EXOC2: variants seen among roughly 807,000 people sequenced by gnomAD.
EXOC2 encodes SEC5-like 1.
EXOC2 carries 70 observed loss-of-function variants against 131.8 expected under a neutral mutation model. That is an observed-to-expected ratio of 0.53 (90% confidence interval 0.44 to 0.65). The LOEUF (loss-of-function observed/expected upper bound fraction) is 0.65, where lower values mean the gene tolerates loss of function less well. EXOC2 is among the 30% of genes least tolerant of loss of function. EXOC2 has a pLI of 0.00. For synonymous variants in EXOC2, 411 were observed against 398.4 expected (o/e 1.03, Z -0.38); for missense variants, 923 against 1,108.6 (o/e 0.83, Z 2.38).
At chr6:673,899 A>C (rs529118639) in intron 1 of EXOC2, among the ~76,000 whole-genome samples, 1 of 152,312 alleles carries the variant, frequency 6.6e-6, no homozygotes, top group African/African-American at 2.4e-5. Flanking sequence ...CAGGGTTACC[A>C]CAAACCTTCA....
intron 1 of EXOC2, among the ~76,000 whole-genome samples, chr6:658,930 G>A (rs902229740): frequency 1.3e-5 from 2 of 151,974 alleles, no homozygotes; most frequent in Admixed American, 6.5e-5. Flanking sequence ...TCAAAGTGCT[G>A]GGATTATAGG....
chr6:593,343 C>A (rs1233806451), intron 10 of EXOC2, among the ~76,000 whole-genome samples: 1 of 152,134 alleles, frequency 6.6e-6, no homozygotes, highest in Non-Finnish European at 1.5e-5. Context: ...CAGTATGGCA[C>A]CGCTTTCTAA....
At chr6:613,612 T>C (rs1359722690) in intron 6 of EXOC2, among the ~76,000 whole-genome samples, 1 of 152,196 alleles carries the variant, frequency 6.6e-6, no homozygotes, top group Non-Finnish European at 1.5e-5. Context: ...CCATTTTTCT[T>C]AACCACACAG....
chr6:554,328 C>T (rs1757305610), intron 20 of EXOC2, among the ~76,000 whole-genome samples: 1 of 152,198 alleles, frequency 6.6e-6, no homozygotes, highest in Non-Finnish European at 1.5e-5. Flanking sequence ...GCATGAACCA[C>T]CATGTCCGGC....
At chr6:688,108 A>G (rs1342521678) in intron 1 of EXOC2, among the ~76,000 whole-genome samples, 1 of 152,226 alleles carries the variant, frequency 6.6e-6, no homozygotes, top group Non-Finnish European at 1.5e-5. Flanking sequence ...AGCCCCTGCG[A>G]TTCTCCACTT....
At chr6:612,289 C>T (rs998012117) in intron 6 of EXOC2, among the ~76,000 whole-genome samples, 3 of 152,222 alleles carry the variant, frequency 2.0e-5, no homozygotes, top group Non-Finnish European at 2.9e-5. Flanking sequence ...CCATGCTTAG[C>T]TCCCGGCCTG....
chr6:692,700 T>G (rs6906847), intron 1 of EXOC2, among the ~76,000 whole-genome samples: 125,917 of 152,302 alleles, frequency 0.83, 52,589 homozygotes, highest in East Asian at 1. Context: ...CGGCGCAGTC[T>G]GGGGCCAGCT....
At chr6:520,876 CCACCGAGCGCCAA>C (rs1765390440) in intron 23 of EXOC2, among the ~76,000 whole-genome samples, 3 of 137,106 alleles carry the variant, frequency 2.2e-5, no homozygotes, top group East Asian at 2.4e-4. Context: ...AAACCACCAC[CCACCGAGCGCCAA>C]CACTCACCGT....
intron 23 of EXOC2, among the ~76,000 whole-genome samples, chr6:517,496 C>G (rs1234641562): frequency 6.6e-6 from 1 of 152,180 alleles, no homozygotes; most frequent in Non-Finnish European, 1.5e-5. Flanking sequence ...ACTAATCAGG[C>G]ATCTATCCTG....
At chr6:626,241 T>A (rs1173762102) in intron 4 of EXOC2, among the ~76,000 whole-genome samples, 2 of 152,168 alleles carry the variant, frequency 1.3e-5, no homozygotes, top group African/African-American at 4.8e-5. Context: ...AAACATCAGT[T>A]AAAAATTTAG....
chr6:577,459 G>A (rs1284119660), intron 11 of EXOC2, among the ~76,000 whole-genome samples: 2 of 152,096 alleles, frequency 1.3e-5, no homozygotes, highest in African/African-American at 4.8e-5. Flanking sequence ...ATTCTCATCT[G>A]AGAAGTCTTC....
intron 22 of EXOC2, among the ~76,000 whole-genome samples, chr6:533,219 T>C (rs1766207027): frequency 6.6e-6 from 1 of 152,206 alleles, no homozygotes; most frequent in African/African-American, 2.4e-5. Context: ...AACCATATCA[T>C]TCATTTTTGA....
intron 23 of EXOC2, among the ~76,000 whole-genome samples, chr6:507,172 A>C (rs1764595966): frequency 2.7e-5 from 1 of 36,758 alleles, no homozygotes; most frequent in Non-Finnish European, 5.6e-5. Context: ...CCCCCCACCC[A>C]CACACACAGC....
At chr6:656,841 C>T (rs757961681) in intron 1 of EXOC2, 4 of 1,610,498 alleles carry the variant, frequency 2.5e-6, no homozygotes, top group African/African-American at 1.3e-5. Flanking sequence ...GCTGTCAGGG[C>T]GCACGCGGAG....
At chr6:603,347 G>A (rs6597130) in intron 7 of EXOC2, among the ~76,000 whole-genome samples, 13,605 of 152,210 alleles carry the variant, frequency 0.089, 1,035 homozygotes, top group African/African-American at 0.21. Flanking sequence ...GACGAGATAG[G>A]CTGCCGGCTA....
At chr6:567,316 C>G (rs1287264456) in intron 13 of EXOC2, among the ~76,000 whole-genome samples, 1 of 152,208 alleles carries the variant, frequency 6.6e-6, no homozygotes, top group Non-Finnish European at 1.5e-5. Flanking sequence ...CTGCTTCCCC[C>G]CATCCTCTGT....
intron 18 of EXOC2, 113 bp downstream of exon 18, chr6:556,371 C>A (rs1757420449): frequency 2.8e-6 from 3 of 1,083,180 alleles, no homozygotes; most frequent in East Asian, 2.5e-5. Context: ...CTAAATGGAA[C>A]AAGCAGGCGA....
At position 486,688 on chromosome 6, in the gene EXOC2, T is replaced by C. The variant is rs1261770400; in HGVS notation, c.2758A>G (p.Thr920Ala). 1 of 1,614,194 alleles carries C rather than the reference T, an allele frequency of 6.2e-7. No individual in the cohort carries two copies. Among genetic ancestry groups the C allele is most frequent in the South Asian group, 1.1e-5 (1 of 91,078 alleles). ...QLTCFQAASS[T>A]MMKT is the part of the protein sequence containing the mutation. ...GCAGATATTTATGTTTTCATCATGG[T>C]TGAAGAAGCTGCTTGGAAACAGGTG... The change falls in exon 28 of 28, where the codon ACC becomes GCC. Residue 920 changes from threonine (T) to alanine (A), a missense_variant. Physicochemically the swap from Thr to Ala is moderately conservative, Grantham distance 58. Coordinates refer to ENST00000230449, the MANE Select transcript of EXOC2 (RefSeq NM_018303.6).
chr6:675,045 G>C (rs545566730), intron 1 of EXOC2, among the ~76,000 whole-genome samples: 274 of 152,190 alleles, frequency 1.8e-3, no homozygotes, highest in Non-Finnish European at 3.3e-3. Context: ...ATAACAAAGG[G>C]TCTGGCCCAT....
Sources: gnomAD v4.1 joint callset for allele counts (sites outside exome capture counted in the v4.1 genomes callset) on GRCh38, gnomAD v4.1.1 for gene constraint, MANE v1.5 for transcripts, NCBI Gene and HGNC (gene_info 2026-07-23, HGNC 2026-07-21) for gene names.